UBE2G1: variants seen among roughly 807,000 people sequenced by gnomAD.
The protein encoded by UBE2G1 is ubiquitin-conjugating enzyme E2 G1.
UBE2G1 carries 5 observed loss-of-function variants against 22.7 expected under a neutral mutation model. The observed-to-expected ratio is 0.22, with a 90% CI of 0.12 to 0.46. The LOEUF (loss-of-function observed/expected upper bound fraction) is 0.46, where lower values mean the gene tolerates loss of function less well. Ranked by LOEUF, UBE2G1 falls within the 20% of genes least tolerant of loss-of-function variation. The pLI, the probability that UBE2G1 is intolerant of heterozygous loss-of-function variation, is 0.99. For missense variants in UBE2G1, 88 were observed against 203.9 expected (o/e 0.43, Z 3.46); for synonymous variants, 74 against 67.5 (o/e 1.10, Z -0.47).
intron 1 of UBE2G1, among the ~76,000 whole-genome samples, chr17:4,357,929 A>AT (rs1487523356): frequency 3.9e-5 from 6 of 152,006 alleles, no homozygotes; most frequent in Non-Finnish European, 7.4e-5. Flanking sequence ...GCAAGACCCC[A>AT]TCTCTATTTT....
At chr17:4,277,556 C>T (rs902692827) in intron 5 of UBE2G1, among the ~76,000 whole-genome samples, 14 of 152,044 alleles carry the variant, frequency 9.2e-5, no homozygotes, top group Admixed American at 2.0e-4. Flanking sequence ...CTATATAGGA[C>T]AAGGTATAAA....
chr17:4,359,087 A>G (rs907681022), intron 1 of UBE2G1, among the ~76,000 whole-genome samples: 2 of 152,092 alleles, frequency 1.3e-5, no homozygotes, highest in African/African-American at 4.8e-5. Context: ...TGTACATTCA[A>G]AAGCAAAGGA....
At chr17:4,299,785 T>A (rs1307168304) in intron 2 of UBE2G1, among the ~76,000 whole-genome samples, 1 of 151,816 alleles carries the variant, frequency 6.6e-6, no homozygotes, top group Admixed American at 6.6e-5. Flanking sequence ...CTATTTTACC[T>A]GTGGAAATTC....
intron 1 of UBE2G1, among the ~76,000 whole-genome samples, chr17:4,347,578 G>C (rs948548374): frequency 1.4e-5 from 2 of 146,888 alleles, no homozygotes; most frequent in African/African-American, 5.1e-5. Context: ...AGGTTTGAGA[G>C]ATTCTCATGC....
chr17:4,284,611 C>G (rs939131745), intron 4 of UBE2G1, among the ~76,000 whole-genome samples: 1 of 150,496 alleles, frequency 6.6e-6, no homozygotes, highest in Non-Finnish European at 1.5e-5. Flanking sequence ...AAAAAAAAAA[C>G]AAAAAATAAA....
chr17:4,305,540 G>A (rs1969239780), intron 2 of UBE2G1, among the ~76,000 whole-genome samples: 1 of 152,128 alleles, frequency 6.6e-6, no homozygotes, highest in Non-Finnish European at 1.5e-5. Context: ...AAAGACCAGA[G>A]ACGGTTTTGT....
intron 1 of UBE2G1, among the ~76,000 whole-genome samples, chr17:4,330,726 A>G (rs1157923037): frequency 2.0e-5 from 3 of 151,986 alleles, no homozygotes; most frequent in African/African-American, 7.2e-5. Context: ...AACAAGAGTG[A>G]AACTCCATCT....
intron 1 of UBE2G1, among the ~76,000 whole-genome samples, chr17:4,314,281 A>T (rs892926318): frequency 1.9e-4 from 29 of 152,254 alleles, no homozygotes; most frequent in Non-Finnish European, 4.0e-4. Context: ...GAAGCTATCG[A>T]GTAATACTAT....
chr17:4,305,552 T>C (rs1969240020), intron 2 of UBE2G1, among the ~76,000 whole-genome samples: 1 of 152,224 alleles, frequency 6.6e-6, no homozygotes, highest in Non-Finnish European at 1.5e-5. Flanking sequence ...CGGTTTTGTT[T>C]TCTTTTTTGA....
intron 1 of UBE2G1, among the ~76,000 whole-genome samples, chr17:4,310,158 G>A (rs1598189228): frequency 6.6e-6 from 1 of 152,036 alleles, no homozygotes. Context: ...TTCCTTCAAG[G>A]TCTCTATCAA....
chr17:4,339,635 T>C (rs574753359), intron 1 of UBE2G1, among the ~76,000 whole-genome samples: 1 of 152,234 alleles, frequency 6.6e-6, no homozygotes, highest in African/African-American at 2.4e-5. Context: ...GCGGATCACC[T>C]GAGGTTGGGA....
rs894144692 is a variant in UBE2G1, at chr17:4,282,661, A to C, written c.*37+137T>G. 4 of 592,810 alleles carry C rather than the reference A, an allele frequency of 6.7e-6. No individual in the cohort carries two copies. In the African/African-American group the frequency reaches 7.4e-5, roughly 11 times the overall value. The allele number at this position is 592,810 out of a possible 1,614,324, so 36.7% of individuals were successfully genotyped here. On this transcript the variant is annotated intron_variant, in intron 5 of 5. Transcript: ENST00000396981. ...AAGCAGATTATACAGTAGTTTTGAG[A>C]ACGAGACTACAGGATAATACCATTA...
intron 1 of UBE2G1, among the ~76,000 whole-genome samples, chr17:4,340,900 AAAAAAAAAAAAAC>A (rs964036516): frequency 6.7e-6 from 1 of 149,944 alleles, no homozygotes; most frequent in African/African-American, 2.5e-5. Flanking sequence ...TATTTAAAAA[AAAAAAAAAAAAAC>A]AAAACCTTCA....
At chr17:4,366,217 T>A in intron 1 of UBE2G1, 54 bp downstream of exon 1, 1 of 1,493,884 alleles carries the variant, frequency 6.7e-7, no homozygotes, top group Non-Finnish European at 8.9e-7. Context: ...GGGACTGGGC[T>A]GCGGCTGTCC....
intron 1 of UBE2G1, among the ~76,000 whole-genome samples, chr17:4,327,874 G>A (rs1032268024): frequency 2.6e-5 from 4 of 152,096 alleles, no homozygotes; most frequent in South Asian, 2.1e-4. Flanking sequence ...AGCCACACCC[G>A]CCAAATAAAT....
intron 1 of UBE2G1, among the ~76,000 whole-genome samples, chr17:4,346,711 G>T (rs939199098): frequency 2.6e-5 from 4 of 151,418 alleles, no homozygotes; most frequent in Non-Finnish European, 4.4e-5. Context: ...TGTGATTACA[G>T]GTGTGAGCCA....
chr17:4,324,904 C>T (rs1969485197), intron 1 of UBE2G1, among the ~76,000 whole-genome samples: 1 of 151,930 alleles, frequency 6.6e-6, no homozygotes, highest in Admixed American at 6.6e-5. Context: ...AGTGAAACCA[C>T]GTCTCTACTG....
chr17:4,341,802 T>TCTTA (rs1969716246), intron 1 of UBE2G1, among the ~76,000 whole-genome samples: 1 of 152,182 alleles, frequency 6.6e-6, no homozygotes, highest in Non-Finnish European at 1.5e-5. Context: ...TCAGTCCTTA[T>TCTTA]CTTACCCAAA....
chr17:4,365,079 G>T (rs962414903), intron 1 of UBE2G1, among the ~76,000 whole-genome samples: 6 of 152,192 alleles, frequency 3.9e-5, no homozygotes, highest in Non-Finnish European at 5.9e-5. Flanking sequence ...AAGCCATAAA[G>T]GTGATTTAAC....
Sources: gnomAD v4.1 joint callset for allele counts (sites outside exome capture counted in the v4.1 genomes callset) on GRCh38, gnomAD v4.1.1 for gene constraint, MANE v1.5 for transcripts, NCBI Gene and HGNC (gene_info 2026-07-23, HGNC 2026-07-21) for gene names.